The following GAS7 variants were observed in gnomAD, a reference collection of about 807,000 sequenced individuals.
GAS7 encodes the protein growth arrest specific 7, also known as growth arrest-specific protein 7.
GAS7 carries 28 observed loss-of-function variants against 71.1 expected under a neutral mutation model. The ratio of observed to expected loss-of-function variants is 0.39; its 90% CI spans 0.29 to 0.54. GAS7 has a LOEUF of 0.54. Ranked by LOEUF, GAS7 falls within the 20% of genes least tolerant of loss-of-function variation. The pLI is 0.62. For synonymous variants in GAS7, 258 were observed against 245.8 expected (o/e 1.05, Z -0.46); for missense variants, 436 against 627.8 (o/e 0.69, Z 3.27).
Position 10,198,108 on chromosome 17 carries a change from C to T in GAS7, c.183+100G>A, listed in dbSNP as rs183380569. The T allele has an allele frequency of 1.2e-3, 1,475 of 1,211,400 alleles. 9 individuals are homozygous for T. In the African/African-American group the frequency reaches 0.02, roughly 16 times the overall value. 75.0% of individuals were successfully genotyped at this position (1,211,400 alleles called of 1,614,324 possible). On this transcript the variant is annotated intron_variant, in intron 1 of 13. Coordinates refer to ENST00000432992, the MANE Select transcript of GAS7 (RefSeq NM_201433.2). ...AAGGGCTGCCCCCCGGGGCGCCCCT[C>T]CGACCGGGACGCTGCGGCATCCCCG... is the stretch of plus-strand genomic sequence containing the variant.
At chr17:10,022,767 T>C (rs919430664) in intron 1 of GAS7, among the ~76,000 whole-genome samples, 3 of 152,230 alleles carry the variant, frequency 2.0e-5, no homozygotes, top group African/African-American at 7.2e-5. Context: ...ACCTCCACCC[T>C]AGCCTCACCA....
chr17:9,921,958 C>CAAA (rs35195748), intron 11 of GAS7, among the ~76,000 whole-genome samples: 1,194 of 89,168 alleles, frequency 0.013, 28 homozygotes, highest in African/African-American at 0.046. Context: ...GACTCCATCT[C>CAAA]AAAAAAAAAA....
intron 1 of GAS7, among the ~76,000 whole-genome samples, chr17:10,093,552 C>CAA (rs60319441): frequency 0.49 from 32,362 of 65,952 alleles, 7,971 homozygotes; most frequent in Non-Finnish European, 0.56. Flanking sequence ...GACTCCGTCT[C>CAA]AAAAAAAAAA....
rs763787573 is a variant in GAS7, at chr17:9,926,722, G to A, written c.933C>T (p.Phe311=). The A allele has an allele frequency of 6.2e-7, 1 of 1,614,048 alleles. No individual in the cohort carries two copies. Among genetic ancestry groups the A allele is most frequent in the South Asian group, 1.1e-5 (1 of 91,078 alleles). The part of the protein sequence containing the change: ...EKPLMNFREN[F]KKDMKKCDHH... ...GGTCGCACTTCTTCATGTCTTTCTTGAAGTTCTCACGGAAGTTCATCAGGG... is the reference window on the plus strand; with the variant it reads ...GGTCGCACTTCTTCATGTCTTTCTTAAAGTTCTCACGGAAGTTCATCAGGG... The change falls in exon 10 of 14, where the codon TTC becomes TTT. Residue 311 remains phenylalanine (F), a synonymous_variant. Transcript: ENST00000432992. This position sits in a 1 kb window ranked among gnomAD's most constrained non-coding sequence, Gnocchi z 5.0.
chr17:9,914,292 T>C lies in GAS7; in HGVS notation c.*2936A>G, dbSNP rs116628423. On this transcript the variant is annotated 3_prime_UTR_variant, in exon 14 of 14. Coordinates refer to ENST00000432992, the MANE Select transcript of GAS7 (RefSeq NM_201433.2). ...CCCAAGCTGGAGTGCAGTGGCCCGA[T>C]CTTGGTTCACTGCAATCTCCGCCTC... The C allele has an allele frequency of 0.012, 2,338 of 191,684 alleles. 58 individuals carry two copies. The highest frequency in any genetic ancestry group is 0.051 in the African/African-American group (2,180 of 43,070). The allele number at this position is 191,684 out of a possible 1,614,324, so 11.9% of individuals were successfully genotyped here. A position where few individuals can be genotyped will look rare whatever the true frequency, so the allele number is the denominator to read the frequency against.
intron 11 of GAS7, among the ~76,000 whole-genome samples, chr17:9,923,900 A>G (rs565600284): frequency 6.6e-6 from 1 of 152,374 alleles, no homozygotes; most frequent in South Asian, 2.1e-4. Context: ...ATGATGAAAC[A>G]AATTTGGGTA....
chr17:10,151,645 A>T (rs2074167334), intron 1 of GAS7, among the ~76,000 whole-genome samples: 1 of 152,152 alleles, frequency 6.6e-6, no homozygotes. Flanking sequence ...CCTTGGCTCA[A>T]GTGAGTCTCC....
chr17:10,189,580 A>G (rs919783216), intron 1 of GAS7, among the ~76,000 whole-genome samples: 1 of 150,328 alleles, frequency 6.7e-6, no homozygotes, highest in Admixed American at 6.7e-5. Context: ...TATCAAACAC[A>G]CTCCTCTACT....
At chr17:10,098,801 T>C (rs1295900642) in intron 1 of GAS7, among the ~76,000 whole-genome samples, 1 of 152,018 alleles carries the variant, frequency 6.6e-6, no homozygotes, top group Middle Eastern at 3.4e-3. Flanking sequence ...CTACTAAAAA[T>C]ACAAAAAATT....
intron 2 of GAS7, among the ~76,000 whole-genome samples, chr17:10,000,103 T>C (rs996034593): frequency 6.6e-6 from 1 of 152,230 alleles, no homozygotes; most frequent in African/African-American, 2.4e-5. Context: ...GTCTGTTTCA[T>C]ACTGAGATGG....
intron 1 of GAS7, among the ~76,000 whole-genome samples, chr17:10,118,011 G>A (rs1372607434): frequency 1.3e-5 from 2 of 152,152 alleles, no homozygotes; most frequent in Admixed American, 6.5e-5. Flanking sequence ...AGGCAACTGC[G>A]TCCTGGACAG....
chr17:10,133,911 G>A (rs1304554032), intron 1 of GAS7, among the ~76,000 whole-genome samples: 2 of 152,084 alleles, frequency 1.3e-5, no homozygotes, highest in African/African-American at 2.4e-5. Flanking sequence ...TTGCCATTGT[G>A]TATATATACA....
intron 1 of GAS7, among the ~76,000 whole-genome samples, chr17:10,030,169 T>A (rs995425112): frequency 2.0e-5 from 3 of 152,188 alleles, no homozygotes; most frequent in Non-Finnish European, 4.4e-5. Context: ...TCCCTGGTGC[T>A]GTGAGTCTTT....
At chr17:9,985,254 A>C (rs2070601631) in intron 2 of GAS7, among the ~76,000 whole-genome samples, 1 of 152,118 alleles carries the variant, frequency 6.6e-6, no homozygotes, top group Non-Finnish European at 1.5e-5. Context: ...GCCGGAGGTC[A>C]CTTCACAGCG....
intron 1 of GAS7, among the ~76,000 whole-genome samples, chr17:10,139,723 C>A (rs1277605564): frequency 6.6e-6 from 1 of 152,180 alleles, no homozygotes; most frequent in African/African-American, 2.4e-5. Flanking sequence ...TTCTGCTTAG[C>A]GTAGACCACA....
chr17:10,139,034 C>G (rs886669013), intron 1 of GAS7, among the ~76,000 whole-genome samples: 2 of 152,254 alleles, frequency 1.3e-5, no homozygotes, highest in Middle Eastern at 3.4e-3. Context: ...TTGGTATTAG[C>G]GCCAGCCTAG....
rs1172419679 is a variant in GAS7, at chr17:10,034,061, T to C, written c.184-14164A>G. On this transcript the variant is annotated intron_variant, in intron 1 of 13. Transcript: ENST00000432992. The surrounding 1 kb of genome is among the most constrained non-coding windows in gnomAD (Gnocchi z 4.4). ...GCTGCTGCCGCTGGCACATATAAAGTAGGCAAATGGTGACAGCCAAGGGCC... is the reference window on the plus strand; with the variant it reads ...GCTGCTGCCGCTGGCACATATAAAGCAGGCAAATGGTGACAGCCAAGGGCC... 2 of 948,102 alleles carry C rather than the reference T, an allele frequency of 2.1e-6. No individual in the cohort carries two copies. Among genetic ancestry groups the C allele is most frequent in the Non-Finnish European group, 2.5e-6 (2 of 796,056 alleles). 58.7% of individuals were successfully genotyped at this position (948,102 alleles called of 1,614,324 possible). A position where few individuals can be genotyped will look rare whatever the true frequency, so the allele number is the denominator to read the frequency against.
chr17:10,035,316 C>A (rs949237745), intron 1 of GAS7, among the ~76,000 whole-genome samples: 23 of 152,284 alleles, frequency 1.5e-4, no homozygotes, highest in African/African-American at 5.1e-4. Context: ...GTGGCCCCCG[C>A]ACGGGCAGCA....
intron 1 of GAS7, among the ~76,000 whole-genome samples, chr17:10,060,028 T>G (rs2073202103): frequency 6.6e-6 from 1 of 152,096 alleles, no homozygotes; most frequent in Non-Finnish European, 1.5e-5. Flanking sequence ...CCCCATTAGG[T>G]CACCCACTCT....
Sources: gnomAD v4.1 joint callset for allele counts (sites outside exome capture counted in the v4.1 genomes callset) on GRCh38, gnomAD v4.1.1 for gene constraint, Gnocchi (gnomAD v3.1) non-coding constraint, MANE v1.5 for transcripts, NCBI Gene and HGNC (gene_info 2026-07-23, HGNC 2026-07-21) for gene names.